RPS6KC1: variants seen among roughly 807,000 people sequenced by gnomAD.
RPS6KC1 encodes the protein inactive ribosomal protein S6 kinase delta-1.
A neutral mutation model predicts 103.8 loss-of-function variants in RPS6KC1; 54 were observed. The observed-to-expected ratio is 0.52, with a 90% CI of 0.42 to 0.65. The LOEUF is 0.65. Ranked by LOEUF, RPS6KC1 falls within the 30% of genes least tolerant of loss-of-function variation. RPS6KC1 has a pLI of 0.00. For synonymous variants in RPS6KC1, 439 were observed against 438.7 expected (o/e 1.00, Z -0.01); for missense variants, 1,151 against 1,253.8 (o/e 0.92, Z 1.24).
At chr1:213,571,498 G>C in the RPS6KC1 span, among the ~76,000 whole-genome samples, 1 of 152,172 alleles carries the variant, frequency 6.6e-6, no homozygotes, top group Admixed American at 6.5e-5. Context: ...GCATGGATGG[G>C]GAAGGATAGA....
the RPS6KC1 span, among the ~76,000 whole-genome samples, chr1:213,636,541 C>A: frequency 6.6e-6 from 1 of 152,182 alleles, no homozygotes; most frequent in South Asian, 2.1e-4. Flanking sequence ...ATAAATGGTG[C>A]TGGGAGAACT....
At chr1:213,420,591 A>G in the RPS6KC1 span, among the ~76,000 whole-genome samples, 1 of 152,064 alleles carries the variant, frequency 6.6e-6, no homozygotes, top group Non-Finnish European at 1.5e-5. Context: ...GGCAGGAGAG[A>G]GAAAAACTGG....
At chr1:213,197,710 G>A (rs2093004598) in intron 8 of RPS6KC1, among the ~76,000 whole-genome samples, 1 of 152,124 alleles carries the variant, frequency 6.6e-6, no homozygotes, top group Non-Finnish European at 1.5e-5. Flanking sequence ...CTTTTTGGAT[G>A]AGTCTTTAGG....
the RPS6KC1 span, among the ~76,000 whole-genome samples, chr1:213,734,924 TG>T: frequency 4.6e-5 from 7 of 151,216 alleles, no homozygotes; most frequent in African/African-American, 1.5e-4. Context: ...TTGTTGTTGT[TG>T]TTTGTTGTTG....
At chr1:213,128,573 A>G (rs2085255481) in intron 5 of RPS6KC1, among the ~76,000 whole-genome samples, 1 of 152,184 alleles carries the variant, frequency 6.6e-6, no homozygotes, top group African/African-American at 2.4e-5. Flanking sequence ...AGGAATTTTC[A>G]CTGCTAAATA....
At chr1:213,395,659 C>T in the RPS6KC1 span, among the ~76,000 whole-genome samples, 1 of 152,220 alleles carries the variant, frequency 6.6e-6, no homozygotes, top group Non-Finnish European at 1.5e-5. Flanking sequence ...AATACTCTCT[C>T]ACCATGTCTG....
intron 8 of RPS6KC1, among the ~76,000 whole-genome samples, chr1:213,218,417 A>G (rs547765240): frequency 6.6e-6 from 1 of 152,298 alleles, no homozygotes; most frequent in East Asian, 1.9e-4. Context: ...GGTAGGAAGA[A>G]TCAATATTGT....
the RPS6KC1 span, among the ~76,000 whole-genome samples, chr1:213,462,700 T>C: frequency 1.3e-5 from 2 of 152,102 alleles, no homozygotes; most frequent in Admixed American, 6.5e-5. Context: ...AGTTGAACAA[T>C]GAGAACACAT....
chr1:213,311,096 G>A, the RPS6KC1 span, among the ~76,000 whole-genome samples: 1 of 152,026 alleles, frequency 6.6e-6, no homozygotes, highest in Non-Finnish European at 1.5e-5. Flanking sequence ...GACAAGAAAT[G>A]TCTTACATGG....
At chr1:213,392,271 T>C in the RPS6KC1 span, among the ~76,000 whole-genome samples, 53 of 152,242 alleles carry the variant, frequency 3.5e-4, 1 homozygote, top group East Asian at 6.4e-3. Context: ...GCACTGCTCA[T>C]GAACAGCTGC....
the RPS6KC1 span, among the ~76,000 whole-genome samples, chr1:213,562,416 G>A: frequency 1.0e-5 from 1 of 98,268 alleles, no homozygotes; most frequent in African/African-American, 4.4e-5. Flanking sequence ...TTGAGACGGA[G>A]TCTTGCTCTG....
chr1:213,103,185 CAAA>C (rs567198765), intron 3 of RPS6KC1, among the ~76,000 whole-genome samples: 2 of 98,216 alleles, frequency 2.0e-5, no homozygotes, highest in Admixed American at 1.1e-4. Context: ...GACCCTGTCT[CAAA>C]AAAAAAAAAA....
the RPS6KC1 span, among the ~76,000 whole-genome samples, chr1:213,852,562 T>A: frequency 2.0e-5 from 3 of 152,234 alleles, no homozygotes; most frequent in Admixed American, 6.5e-5. Context: ...TTCGGATCTG[T>A]TTGTCTCCCT....
chr1:213,178,489 C>T (rs542805562), intron 8 of RPS6KC1, among the ~76,000 whole-genome samples: 43 of 151,480 alleles, frequency 2.8e-4, no homozygotes, highest in Non-Finnish European at 4.0e-4. Flanking sequence ...TACAATGAGC[C>T]GAGATTGTGC....
rs772676951 is a variant in RPS6KC1 at position 213,242,085 on chromosome 1, G to A, written c.2609G>A (p.Gly870Asp). The A allele has an allele frequency of 5.6e-6, 9 of 1,613,832 alleles. No individual in the cohort carries two copies. The highest frequency in any genetic ancestry group is 6.8e-6 in the Non-Finnish European group (8 of 1,179,898). Residue 870 changes from glycine (G) to aspartate (D), a missense_variant, in exon 11 of 15, where the codon GGT becomes GAT. Around this residue, in one of 3 missense-constraint regions of RPS6KC1, gnomAD observed 3 missense variants for 18.7 expected, o/e 0.16. Coordinates refer to ENST00000366960, the MANE Select transcript of RPS6KC1 (RefSeq NM_012424.6). ...SLFQRDSETK[G>D]ESGLVLEGDK... is the part of the protein sequence containing the mutation. ...TTCCAGAGAGACTCTGAGACTAAGG[G>A]TGAAAGTGGTTTAGTGCTAGAAGGA...
chr1:213,583,253 T>A, the RPS6KC1 span, among the ~76,000 whole-genome samples: 2 of 152,242 alleles, frequency 1.3e-5, no homozygotes, highest in Non-Finnish European at 2.9e-5. Context: ...AACATGTTTT[T>A]ATTTCTCTTG....
the RPS6KC1 span, among the ~76,000 whole-genome samples, chr1:213,367,564 T>A: frequency 6.6e-6 from 1 of 152,254 alleles, no homozygotes; most frequent in East Asian, 1.9e-4. Flanking sequence ...AAATCAGTGC[T>A]ACTCAATTAT....
chr1:213,304,435 A>G, the RPS6KC1 span, among the ~76,000 whole-genome samples: 1 of 152,166 alleles, frequency 6.6e-6, no homozygotes, highest in African/African-American at 2.4e-5. Context: ...CCACTCAAAG[A>G]TAAGTGTTGG....
intron 12 of RPS6KC1, among the ~76,000 whole-genome samples, chr1:213,245,173 A>C (rs2094434428): frequency 6.6e-6 from 1 of 152,198 alleles, no homozygotes; most frequent in South Asian, 2.1e-4. Flanking sequence ...TTGCTCCAAA[A>C]GTTCATAGGC....
Sources: allele counts gnomAD v4.1 joint callset (sites outside exome capture counted in the v4.1 genomes callset), GRCh38; gene constraint gnomAD v4.1.1; regional missense constraint gnomAD v4.1.1; transcripts MANE v1.5; gene names NCBI Gene and HGNC (gene_info 2026-07-23, HGNC 2026-07-21).